RBFOX1: variants seen among roughly 807,000 people sequenced by gnomAD.
RBFOX1 encodes RNA binding fox-1 homolog 1.
In RBFOX1, 8 loss-of-function variants were observed where a neutral mutation model predicts 57.7. That is an observed-to-expected ratio of 0.14 (90% confidence interval 0.08 to 0.25). The LOEUF (loss-of-function observed/expected upper bound fraction) is 0.25, where lower values mean the gene tolerates loss of function less well. RBFOX1 is among the 10% of genes least tolerant of loss of function. The pLI is 1.00. For missense variants in RBFOX1, 611 were observed against 548.5 expected, an observed-to-expected ratio of 1.11 and a Z score of -1.14; for synonymous variants, 326 against 222.4, an observed-to-expected ratio of 1.47 and a Z score of -4.15.
chr16:5,842,783 G>A (rs144940104), intron 3 of RBFOX1, among the ~76,000 whole-genome samples: 45 of 151,832 alleles, frequency 3.0e-4, no homozygotes, highest in African/African-American at 1.0e-3. Flanking sequence ...TGTACCAATC[G>A]CTTTGACCAC....
chr16:6,381,594 T>C (rs1033838692), intron 2 of RBFOX1, among the ~76,000 whole-genome samples: 2 of 152,198 alleles, frequency 1.3e-5, no homozygotes, highest in Non-Finnish European at 2.9e-5. Flanking sequence ...AGGTCTTGCC[T>C]TTACCTATTG....
chr16:5,435,285 T>C (rs2067881924), intron 1 of RBFOX1, among the ~76,000 whole-genome samples: 1 of 152,186 alleles, frequency 6.6e-6, no homozygotes, highest in Non-Finnish European at 1.5e-5. Flanking sequence ...GTGGGTTTCC[T>C]CTGCTGCATG....
chr16:7,693,416 C>CTT (rs60812796), intron 14 of RBFOX1: 141,986 of 770,592 alleles, frequency 0.18, 4,845 homozygotes, highest in East Asian at 0.22. Flanking sequence ...TCTCAGTATC[C>CTT]TTTTTTTTTT....
chr16:6,144,500 G>T (rs1337579647), intron 1 of RBFOX1, among the ~76,000 whole-genome samples: 1 of 152,208 alleles, frequency 6.6e-6, no homozygotes. Context: ...ATTTGCACAA[G>T]ATCGGAATAG....
chr16:6,827,856 C>A (rs529222113), intron 3 of RBFOX1, among the ~76,000 whole-genome samples: 2 of 152,232 alleles, frequency 1.3e-5, no homozygotes, highest in Admixed American at 1.3e-4. Context: ...TCTGTTCCCC[C>A]TCTTAGAGCA....
chr16:6,579,741 C>A (rs1023254344), intron 2 of RBFOX1, among the ~76,000 whole-genome samples: 2 of 151,988 alleles, frequency 1.3e-5, no homozygotes, highest in African/African-American at 2.4e-5. Context: ...CAGACTAATA[C>A]ACTTGGCTAA....
chr16:6,567,911 G>T (rs2097289947), intron 2 of RBFOX1, among the ~76,000 whole-genome samples: 6 of 152,052 alleles, frequency 3.9e-5, no homozygotes, highest in Admixed American at 3.9e-4. Context: ...GCCTTGAACT[G>T]CCAGGCTCAA....
rs186350594 is a variant in RBFOX1 at position 7,167,935 on chromosome 16, G to C, written c.27+115837G>C. On this transcript the variant is annotated intron_variant, in intron 4 of 15. Transcript: ENST00000550418. The stretch of plus-strand genomic sequence containing the variant: ...ATGTGCTTGTCTGGGGATGCTGCGG[G>C]GTAGGGGATGTTTGTAGTGAGAGTC... Among the ~76,000 whole-genome samples, 18 of 152,294 alleles carry C rather than the reference G, an allele frequency of 1.2e-4. 1 individual carries two copies. The highest frequency in any genetic ancestry group is 3.4e-3 in the Middle Eastern group (1 of 294).
intron 5 of RBFOX1, among the ~76,000 whole-genome samples, chr16:7,526,918 A>G (rs1261606093): frequency 6.6e-6 from 1 of 152,194 alleles, no homozygotes; most frequent in Non-Finnish European, 1.5e-5. Context: ...GAAGCCCAGA[A>G]GGCATCCCCC....
chr16:6,854,762 T>G (rs982074902), intron 3 of RBFOX1, among the ~76,000 whole-genome samples: 3 of 151,690 alleles, frequency 2.0e-5, no homozygotes, highest in Non-Finnish European at 2.9e-5. Context: ...GCCCGGCTAA[T>G]TTTTTGTATT....
chr16:7,566,401 C>T (rs555298730), intron 5 of RBFOX1, among the ~76,000 whole-genome samples: 4 of 152,258 alleles, frequency 2.6e-5, no homozygotes, highest in African/African-American at 9.6e-5. Flanking sequence ...TGCAGCTGCT[C>T]TACGTGCCTG....
At chr16:7,096,012 C>CAAAAAAAAAAAAA (rs71408498) in intron 4 of RBFOX1, among the ~76,000 whole-genome samples, 1 of 111,462 alleles carries the variant, frequency 9.0e-6, no homozygotes, top group African/African-American at 3.5e-5. Flanking sequence ...GACTCTGTCT[C>CAAAAAAAAAAAAA]AAAAAAAAAA....
chr16:5,749,055 G>C (rs2053093898), intron 3 of RBFOX1, among the ~76,000 whole-genome samples: 1 of 152,088 alleles, frequency 6.6e-6, no homozygotes, highest in Non-Finnish European at 1.5e-5. Flanking sequence ...AGCTCTTTTA[G>C]GGCAGGCCTG....
chr16:5,501,665 A>G (rs576702132), intron 2 of RBFOX1, among the ~76,000 whole-genome samples: 1 of 152,172 alleles, frequency 6.6e-6, no homozygotes, highest in Non-Finnish European at 1.5e-5. Context: ...CAAATCTCCA[A>G]ACACAGTTCA....
At chr16:5,887,260 G>A (rs534146572) in intron 4 of RBFOX1, among the ~76,000 whole-genome samples, 13 of 152,276 alleles carry the variant, frequency 8.5e-5, no homozygotes, top group Admixed American at 5.9e-4. Context: ...GTCAGCATTC[G>A]TGGTACCTGG....
chr16:6,990,451 G>T (rs771423961), intron 3 of RBFOX1, among the ~76,000 whole-genome samples: 2 of 152,042 alleles, frequency 1.3e-5, no homozygotes, highest in Non-Finnish European at 2.9e-5. Context: ...CTTGAACCTG[G>T]GAGTTGGAGT....
intron 3 of RBFOX1, among the ~76,000 whole-genome samples, chr16:6,881,051 G>A (rs775998483): frequency 6.6e-6 from 1 of 152,166 alleles, no homozygotes; most frequent in Non-Finnish European, 1.5e-5. Context: ...TATGCCTGTG[G>A]CAGACATTGC....
intron 14 of RBFOX1, among the ~76,000 whole-genome samples, chr16:7,708,444 G>A (rs1354285489): frequency 6.6e-6 from 1 of 152,202 alleles, no homozygotes; most frequent in East Asian, 1.9e-4. Flanking sequence ...CCTGGCCATG[G>A]ATTAATGTGA....
intron 3 of RBFOX1, among the ~76,000 whole-genome samples, chr16:5,850,732 C>G (rs28375007): frequency 0.025 from 3,824 of 152,284 alleles, 176 homozygotes; most frequent in African/African-American, 0.087. Flanking sequence ...GAGTCAGTGA[C>G]AGAGGTGAAA....
Sources: allele counts gnomAD v4.1 joint callset (sites outside exome capture counted in the v4.1 genomes callset), GRCh38; gene constraint gnomAD v4.1.1; transcripts MANE v1.5; gene names NCBI Gene and HGNC (gene_info 2026-07-23, HGNC 2026-07-21).